The following SNTG1 variants were observed in gnomAD, a reference collection of about 807,000 sequenced individuals.
SNTG1 encodes syntrophin gamma 1.
Under a neutral mutation model 74.7 loss-of-function variants are expected in SNTG1, and 39 were observed. The observed-to-expected ratio is 0.52, with a 90% CI of 0.40 to 0.68. SNTG1 has a LOEUF of 0.68. Ranked by LOEUF, SNTG1 falls within the 30% of genes least tolerant of loss-of-function variation. The pLI, the probability that SNTG1 is intolerant of heterozygous loss-of-function variation, is 0.00. For missense variants in SNTG1, 685 were observed against 609.5 expected (o/e 1.12, Z -1.30); for synonymous variants, 254 against 217.1 (o/e 1.17, Z -1.49).
chr8:50,690,984 AC>A (rs1585545093), intron 15 of SNTG1, among the ~76,000 whole-genome samples: 2 of 151,994 alleles, frequency 1.3e-5, no homozygotes, highest in East Asian at 1.9e-4. Context: ...GTTGAATTGA[AC>A]CTTTTACCAT....
At chr8:50,088,175 G>C (rs1049193673) in intron 1 of SNTG1, among the ~76,000 whole-genome samples, 7 of 151,406 alleles carry the variant, frequency 4.6e-5, no homozygotes, top group South Asian at 2.1e-4. Context: ...TTAATCCAGT[G>C]TATCATTGTT....
intron 1 of SNTG1, among the ~76,000 whole-genome samples, chr8:50,108,769 G>A (rs369595213): frequency 6.6e-6 from 1 of 152,058 alleles, no homozygotes; most frequent in African/African-American, 2.4e-5. Flanking sequence ...TCATACAGTG[G>A]CCTGAACAAA....
At chr8:50,066,416 T>C (rs565480057) in intron 1 of SNTG1, among the ~76,000 whole-genome samples, 3 of 152,308 alleles carry the variant, frequency 2.0e-5, no homozygotes, top group Admixed American at 1.3e-4. Flanking sequence ...ACATAGTTTT[T>C]AAAATTTGCT....
At chr8:50,635,306 C>T (rs1018666300) in intron 13 of SNTG1, among the ~76,000 whole-genome samples, 10 of 152,200 alleles carry the variant, frequency 6.6e-5, no homozygotes, top group Middle Eastern at 3.4e-3. Context: ...TTCCTACATT[C>T]GCTCAAGGCC....
intron 1 of SNTG1, among the ~76,000 whole-genome samples, chr8:49,929,879 AC>A (rs1807402117): frequency 1.6e-5 from 1 of 62,068 alleles, no homozygotes; most frequent in Non-Finnish European, 2.9e-5. Context: ...CCCCCACCCC[AC>A]CACAGTCCCC....
intron 15 of SNTG1, among the ~76,000 whole-genome samples, chr8:50,696,524 A>G (rs940557201): frequency 6.6e-6 from 1 of 152,062 alleles, no homozygotes; most frequent in Non-Finnish European, 1.5e-5. Context: ...TGCCTAGGCC[A>G]ATGTCCAGAA....
chr8:50,781,268 T>C (rs1316083811), intron 18 of SNTG1, among the ~76,000 whole-genome samples: 1 of 152,066 alleles, frequency 6.6e-6, no homozygotes, highest in East Asian at 1.9e-4. Flanking sequence ...TTGTTAACTT[T>C]CTGTCTCATT....
chr8:50,729,884 A>G (rs2095508767), intron 17 of SNTG1, among the ~76,000 whole-genome samples: 1 of 152,160 alleles, frequency 6.6e-6, no homozygotes. Context: ...TAGGACTTCA[A>G]CTGTGACCAA....
intron 5 of SNTG1, among the ~76,000 whole-genome samples, chr8:50,441,528 C>T (rs1035413649): frequency 1.3e-5 from 2 of 151,764 alleles, no homozygotes; most frequent in African/African-American, 4.8e-5. Context: ...TCCTGAAATC[C>T]CAAAGAATAA....
chr8:50,474,521 A>T (rs1020785316), intron 8 of SNTG1, among the ~76,000 whole-genome samples: 2 of 152,208 alleles, frequency 1.3e-5, no homozygotes, highest in South Asian at 4.1e-4. Flanking sequence ...TCAAAACCGC[A>T]ATGAGATACC....
At chr8:50,134,782 G>A (rs925415950) in intron 1 of SNTG1, among the ~76,000 whole-genome samples, 1 of 152,098 alleles carries the variant, frequency 6.6e-6, no homozygotes, top group African/African-American at 2.4e-5. Context: ...ATCTCAGGAA[G>A]AATTGAGATT....
chr8:50,583,542 C>T (rs1035728814), intron 12 of SNTG1, among the ~76,000 whole-genome samples: 29 of 152,148 alleles, frequency 1.9e-4, no homozygotes, highest in African/African-American at 7.0e-4. Flanking sequence ...TTGCGATAGT[C>T]ATCCTGAGGA....
Position 50,019,562 on chromosome 8 carries a change from T to C in SNTG1, c.-103+107331T>C, listed in dbSNP as rs575328358. 1.2e-4 allele frequency among the ~76,000 whole-genome samples: 18 copies of C among 152,252 alleles called. 2 individuals are homozygous for C. Among genetic ancestry groups the C allele is most frequent in the African/African-American group, 4.3e-4 (18 of 41,570 alleles). ...GAACTATTAATGCATCTGTTCATCA[T>C]ACACTCATGTGCCCATTCATTCATG... On this transcript the variant is annotated intron_variant, in intron 1 of 18. Transcript: ENST00000642720.
In SNTG1 at chr8:50,634,935, ACTT is replaced by A. The variant is rs574422934; in HGVS notation, c.850-21973_850-21971del. On this transcript the variant is annotated intron_variant, in intron 13 of 18. Transcript: ENST00000642720. ...TATAAACACAATTACATATTATGTA[ACTT>A]TTTGGTATTGACAGCCGCAGTCTGT... 3.7e-4 allele frequency among the ~76,000 whole-genome samples: 56 copies of A among 152,230 alleles called. No individual in the cohort carries two copies. In the South Asian group the frequency reaches 8.7e-3, roughly 24 times the overall value.
At chr8:50,602,337 C>T (rs969708328) in intron 13 of SNTG1, among the ~76,000 whole-genome samples, 2 of 152,016 alleles carry the variant, frequency 1.3e-5, no homozygotes, top group South Asian at 2.1e-4. Flanking sequence ...TCTTAAAACT[C>T]GTAATTTTAA....
chr8:50,304,252 T>G (rs865984168), intron 2 of SNTG1, among the ~76,000 whole-genome samples: 11 of 152,174 alleles, frequency 7.2e-5, no homozygotes, highest in African/African-American at 2.7e-4. Flanking sequence ...TGTGATGCCT[T>G]GGCCCTCACC....
At chr8:50,035,732 T>G (rs1818102020) in intron 1 of SNTG1, among the ~76,000 whole-genome samples, 1 of 152,060 alleles carries the variant, frequency 6.6e-6, no homozygotes, top group African/African-American at 2.4e-5. Context: ...ACACAGACCA[T>G]CACGAAGGAC....
At chr8:50,276,767 C>A (rs2088136817) in intron 2 of SNTG1, among the ~76,000 whole-genome samples, 1 of 152,054 alleles carries the variant, frequency 6.6e-6, no homozygotes, top group Admixed American at 6.6e-5. Flanking sequence ...TTTGTCTTAG[C>A]CAGGAAACAC....
intron 2 of SNTG1, among the ~76,000 whole-genome samples, chr8:50,349,082 A>G (rs1166554208): frequency 1.3e-5 from 2 of 152,260 alleles, no homozygotes; most frequent in Non-Finnish European, 2.9e-5. Flanking sequence ...CTGGCCACTA[A>G]GTCAATGGAC....
Sources: gnomAD v4.1 joint callset for allele counts (sites outside exome capture counted in the v4.1 genomes callset) on GRCh38, gnomAD v4.1.1 for gene constraint, MANE v1.5 for transcripts, NCBI Gene and HGNC (gene_info 2026-07-23, HGNC 2026-07-21) for gene names.